HEPHL1: variants seen among roughly 807,000 people sequenced by gnomAD.
HEPHL1 encodes hephaestin like 1, also known as ferroxidase HEPHL1.
A neutral mutation model predicts 122.0 loss-of-function variants in HEPHL1; 123 were observed. The ratio of observed to expected loss-of-function variants is 1.01; its 90% CI spans 0.87 to 1.17. The LOEUF is 1.17. HEPHL1 is among the 50% of genes most tolerant of loss of function. The probability of loss-of-function intolerance (pLI) is 0.00; values close to 1 mark genes in which losing one functional copy is unlikely to be tolerated. For missense variants in HEPHL1, 1,452 were observed against 1,430.5 expected (o/e 1.01, Z -0.24); for synonymous variants, 527 against 508.9 (o/e 1.04, Z -0.48).
chr11:94,037,895 G>C (rs956139904), intron 1 of HEPHL1, among the ~76,000 whole-genome samples: 26 of 151,788 alleles, frequency 1.7e-4, no homozygotes, highest in African/African-American at 6.3e-4. Flanking sequence ...GCTGACAGAA[G>C]AAGGCTTCAG....
At position 94,104,552 on chromosome 11, in the gene HEPHL1, C is replaced by T. The variant is rs1946393628; in HGVS notation, c.2707C>T (p.Pro903Ser). 3.1e-6 allele frequency: 5 copies of T among 1,613,114 alleles called. No individual in the cohort carries two copies. In the East Asian group the frequency reaches 1.1e-4, roughly 36 times the overall value. The change falls in exon 16 of 20, where the codon CCT becomes TCT. Residue 903 changes from proline to serine, a missense_variant. Coordinates refer to ENST00000315765, the MANE Select transcript of HEPHL1 (RefSeq NM_001098672.2). ...GGATACGTATAGTGGTTTGATGGGTCCTCTGATTACATGCCGAAAAGGAGT... is the reference window on the plus strand; with the variant it reads ...GGATACGTATAGTGGTTTGATGGGTTCTCTGATTACATGCCGAAAAGGAGT... ...VKDTYSGLMG[P>S]LITCRKGVLN...
rs376150745 is a variant in HEPHL1, at chr11:94,082,413, T to C, written c.1717-5T>C. ...TTTATGTATTCATTTCTTTCTTCTC[T>C]GTAGAAAGGAATAGACAAGGAGTTT... On this transcript the variant is annotated splice_polypyrimidine_tract_variant and splice_region_variant and intron_variant, in intron 9 of 19. Coordinates refer to ENST00000315765, the MANE Select transcript of HEPHL1 (RefSeq NM_001098672.2). The C allele has an allele frequency of 2.7e-4, 428 of 1,595,180 alleles. 3 individuals are homozygous for C. The highest frequency in any genetic ancestry group is 3.6e-4 in the Non-Finnish European group (418 of 1,168,850).
At chr11:94,077,413 C>G (rs1362380863) in intron 9 of HEPHL1, among the ~76,000 whole-genome samples, 1 of 151,884 alleles carries the variant, frequency 6.6e-6, no homozygotes. Flanking sequence ...GTACATAGAA[C>G]TTGTATATAT....
chr11:94,098,463 G>A (rs1375217768), intron 13 of HEPHL1, among the ~76,000 whole-genome samples: 1 of 152,040 alleles, frequency 6.6e-6, no homozygotes, highest in Non-Finnish European at 1.5e-5. Context: ...CTTCATTTCA[G>A]CTTTGGTGAA....
rs1946465805 is a variant in HEPHL1, at chr11:94,113,194, G to T, written c.*1300G>T. On this transcript the variant is annotated 3_prime_UTR_variant, in exon 20 of 20. Transcript: ENST00000315765. The stretch of plus-strand genomic sequence containing the variant: ...GACAGTAGGTGTAAGATTGATAAAA[G>T]TAACATTGTTTATTACAAGACTGAG... 1 of 152,212 alleles carries T rather than the reference G, an allele frequency of 6.6e-6. No homozygotes were observed. Among genetic ancestry groups the T allele is most frequent in the South Asian group, 2.1e-4 (1 of 4,830 alleles). The allele number at this position is 152,212 out of a possible 1,614,324, so 9.4% of individuals were successfully genotyped here.
intron 1 of HEPHL1, among the ~76,000 whole-genome samples, chr11:94,037,628 A>C (rs1404818546): frequency 1.3e-5 from 2 of 152,286 alleles, no homozygotes; most frequent in African/African-American, 4.8e-5. Flanking sequence ...CTCACACAGC[A>C]GGGTATTCCA....
intron 1 of HEPHL1, among the ~76,000 whole-genome samples, chr11:94,027,546 C>T (rs1174408622): frequency 6.6e-6 from 1 of 152,194 alleles, no homozygotes; most frequent in Non-Finnish European, 1.5e-5. Flanking sequence ...ATTGATTCAG[C>T]ACCACTCTCC....
At chr11:94,032,965 C>T (rs1945689472) in intron 1 of HEPHL1, among the ~76,000 whole-genome samples, 1 of 152,170 alleles carries the variant, frequency 6.6e-6, no homozygotes, top group Non-Finnish European at 1.5e-5. Flanking sequence ...ACCTGCTCAT[C>T]TCCCAAGTGC....
intron 4 of HEPHL1, among the ~76,000 whole-genome samples, chr11:94,066,517 G>T (rs925188329): frequency 2.6e-5 from 4 of 152,058 alleles, no homozygotes; most frequent in Non-Finnish European, 4.4e-5. Flanking sequence ...TTGTGCCACT[G>T]CACTTCAGCC....
At chr11:94,054,005 C>T (rs985977672) in intron 2 of HEPHL1, among the ~76,000 whole-genome samples, 2 of 152,166 alleles carry the variant, frequency 1.3e-5, no homozygotes, top group African/African-American at 4.8e-5. Flanking sequence ...TATATCCTTG[C>T]TGATTTTCTG....
intron 2 of HEPHL1, among the ~76,000 whole-genome samples, chr11:94,053,227 C>T (rs913691496): frequency 2.0e-5 from 3 of 151,964 alleles, no homozygotes; most frequent in African/African-American, 7.2e-5. Flanking sequence ...TGTGTTTCAT[C>T]TCAGTTGTCT....
In HEPHL1 at chr11:94,103,935, C is replaced by G. The variant is rs185401817; in HGVS notation, c.2683-593C>G. Among the ~76,000 whole-genome samples, 1,158 of 152,256 alleles carry G rather than the reference C, an allele frequency of 7.6e-3. 15 individuals are homozygous for G. The highest frequency in any genetic ancestry group is 0.027 in the African/African-American group (1,120 of 41,540). On this transcript the variant is annotated intron_variant, in intron 15 of 19. Transcript: ENST00000315765. ...ATACTTATTGAGCACTTGTGATGTG[C>G]AAATGACCCCACCAAATACTATGAG...
At position 94,045,725 on chromosome 11, in the gene HEPHL1, A is replaced by C; in HGVS notation, c.223A>C (p.Lys75Gln). ...GCCCAACAGGATAGGCAGTATTTAC[A>C]AAAAGGCTGTTTACAGACGCTTCAC... ...RGPNRIGSIYKKAVYRRFTDG... is the reference protein window; with the variant it reads ...RGPNRIGSIYQKAVYRRFTDG... The change falls in exon 2 of 20, where the codon AAA (lysine) becomes CAA (glutamine). Residue 75 changes from lysine (K) to glutamine (Q), a missense_variant. Transcript: ENST00000315765. 6.2e-7 allele frequency: 1 copy of C among 1,613,342 alleles called. No homozygotes were observed. Among genetic ancestry groups the C allele is most frequent in the South Asian group, 1.1e-5 (1 of 90,924 alleles).
At chr11:94,023,396 G>C (rs765206922) in intron 1 of HEPHL1, among the ~76,000 whole-genome samples, 13 of 152,184 alleles carry the variant, frequency 8.5e-5, no homozygotes, top group Non-Finnish European at 1.5e-4. Context: ...GACCAAACAA[G>C]TTATCTGGGT....
At chr11:94,075,642 T>C (rs548964857) in intron 9 of HEPHL1, among the ~76,000 whole-genome samples, 1 of 152,280 alleles carries the variant, frequency 6.6e-6, no homozygotes, top group African/African-American at 2.4e-5. Context: ...TCTTTTTCTG[T>C]GTGCTGCTTT....
At chr11:94,059,730 G>C (rs1945968605) in intron 2 of HEPHL1, among the ~76,000 whole-genome samples, 1 of 151,916 alleles carries the variant, frequency 6.6e-6, no homozygotes, top group African/African-American at 2.4e-5. Context: ...TTGATTCCCA[G>C]TGATATTCTT....
At chr11:94,086,939 T>C (rs1946223619) in intron 11 of HEPHL1, among the ~76,000 whole-genome samples, 1 of 152,210 alleles carries the variant, frequency 6.6e-6, no homozygotes, top group Non-Finnish European at 1.5e-5. Context: ...AAGAAACCAA[T>C]ATGCTACCTA....
At chr11:94,073,586 C>A in intron 8 of HEPHL1, 147 bp downstream of exon 8, 1 of 751,390 alleles carries the variant, frequency 1.3e-6, no homozygotes, top group Admixed American at 2.8e-5. Context: ...CTGATTCTCT[C>A]CTGTCAAATG....
At chr11:94,029,977 G>T (rs1591459910) in intron 1 of HEPHL1, among the ~76,000 whole-genome samples, 1 of 152,176 alleles carries the variant, frequency 6.6e-6, no homozygotes. Flanking sequence ...GTACATATGT[G>T]AAGATGTGAG....
Sources: gnomAD v4.1 joint callset for allele counts (sites outside exome capture counted in the v4.1 genomes callset) on GRCh38, gnomAD v4.1.1 for gene constraint, MANE v1.5 for transcripts, NCBI Gene and HGNC (gene_info 2026-07-23, HGNC 2026-07-21) for gene names.